PPP2R5C: variants seen among roughly 807,000 people sequenced by gnomAD.
The protein encoded by PPP2R5C is serine/threonine-protein phosphatase 2A 56 kDa regulatory subunit gamma isoform.
In PPP2R5C, 7 loss-of-function variants were observed where a neutral mutation model predicts 68.9. That is an observed-to-expected ratio of 0.10 (90% CI 0.06 to 0.19). PPP2R5C has a LOEUF of 0.19. Among genes scored for constraint, PPP2R5C ranks in the 10% least tolerant of loss-of-function variants. The probability of loss-of-function intolerance (pLI) is 1.00; values close to 1 mark genes in which losing one functional copy is unlikely to be tolerated. For synonymous variants in PPP2R5C, 210 were observed against 222.2 expected (o/e 0.95, Z 0.49); for missense variants, 348 against 641.3 (o/e 0.54, Z 4.94).
chr14:101,870,925 G>C (rs894747624), intron 2 of PPP2R5C, among the ~76,000 whole-genome samples: 5 of 152,034 alleles, frequency 3.3e-5, no homozygotes, highest in Non-Finnish European at 7.4e-5. Context: ...TTATTGTCTT[G>C]TTGTAATTAT....
chr14:101,776,652 A>G (rs572667710), intron 2 of PPP2R5C, among the ~76,000 whole-genome samples: 5 of 152,104 alleles, frequency 3.3e-5, no homozygotes, highest in Admixed American at 2.6e-4. Context: ...CCTATTCCAG[A>G]AAGTCCTCCT....
intron 5 of PPP2R5C, among the ~76,000 whole-genome samples, chr14:101,886,780 C>T (rs2044551236): frequency 6.6e-6 from 1 of 151,846 alleles, no homozygotes; most frequent in South Asian, 2.1e-4. Context: ...GGCTGGAGTA[C>T]AGTGATGCTG....
chr14:101,876,293 T>C (rs964883460), intron 2 of PPP2R5C, among the ~76,000 whole-genome samples: 2 of 152,220 alleles, frequency 1.3e-5, no homozygotes, highest in East Asian at 3.8e-4. Context: ...TCATCTGTTA[T>C]AAATCCTGTT....
At chr14:101,927,904 C>T (rs746107042) in exon 14 of PPP2R5C, 1 of 152,228 alleles carries the variant, frequency 6.6e-6, no homozygotes, top group African/African-American at 2.4e-5. Context: ...ATTTAATATG[C>T]TCTTTTATCT....
chr14:101,817,306 A>G (rs1485505063), intron 1 of PPP2R5C, among the ~76,000 whole-genome samples: 4 of 152,196 alleles, frequency 2.6e-5, no homozygotes, highest in East Asian at 1.9e-4. Flanking sequence ...TATCATTTCA[A>G]TATTCTCTGG....
intron 2 of PPP2R5C, among the ~76,000 whole-genome samples, chr14:101,763,882 C>T (rs2036699958): frequency 6.6e-6 from 1 of 152,224 alleles, no homozygotes; most frequent in South Asian, 2.1e-4. Flanking sequence ...TTCAAACCAC[C>T]TCTGCTACTG....
chr14:101,823,664 G>A (rs545060548), intron 1 of PPP2R5C: 513 of 713,096 alleles, frequency 7.2e-4, no homozygotes, highest in South Asian at 8.9e-4. Flanking sequence ...AAGCAGAGAG[G>A]TTCTCCAACT....
intron 1 of PPP2R5C, chr14:101,819,499 C>A: frequency 6.2e-6 from 1 of 161,066 alleles, no homozygotes. Context: ...AGAATGTCCT[C>A]GATAAAGCAT....
chr14:101,860,814 T>A (rs1004567550), intron 2 of PPP2R5C, among the ~76,000 whole-genome samples: 1 of 152,230 alleles, frequency 6.6e-6, no homozygotes, highest in Admixed American at 6.5e-5. Context: ...TTTTTATACA[T>A]CATAGACTTC....
At chr14:101,771,450 G>T (rs2037148546) in intron 2 of PPP2R5C, among the ~76,000 whole-genome samples, 1 of 152,094 alleles carries the variant, frequency 6.6e-6, no homozygotes, top group South Asian at 2.1e-4. Flanking sequence ...AGATTGAGCA[G>T]CTGGGCACGG....
intron 5 of PPP2R5C, among the ~76,000 whole-genome samples, chr14:101,887,580 C>A (rs1404749939): frequency 6.6e-6 from 1 of 152,184 alleles, no homozygotes. Flanking sequence ...CCCCACGCTG[C>A]CTCTGTGATG....
intron 8 of PPP2R5C, among the ~76,000 whole-genome samples, chr14:101,894,822 A>C (rs963591180): frequency 9.2e-5 from 14 of 152,216 alleles, no homozygotes; most frequent in African/African-American, 3.4e-4. Flanking sequence ...TTGAACGTAA[A>C]GCACTTGAGC....
chr14:101,916,574 G>A lies in PPP2R5C; in HGVS notation c.1327-1257G>A, dbSNP rs199895661. ...CAGAGAGGCCCAGTGAGGCAAGGCC[G>A]GGAAGGGCTTAGCAGCCAGAGGGCA... is the stretch of plus-strand genomic sequence containing the variant. On this transcript the variant is annotated intron_variant, in intron 12 of 13. Transcript: ENST00000334743. The surrounding 1 kb of genome is among the most constrained non-coding windows in gnomAD (Gnocchi z 5.5). 4.1e-4 allele frequency among the ~76,000 whole-genome samples: 63 copies of A among 152,302 alleles called. No individual in the cohort carries two copies. The East Asian group carries it at 9.8e-3, about 24-fold the overall frequency.
intron 2 of PPP2R5C, among the ~76,000 whole-genome samples, chr14:101,871,815 C>T (rs1481564476): frequency 2.6e-5 from 4 of 152,110 alleles, no homozygotes; most frequent in African/African-American, 9.7e-5. Flanking sequence ...CTAGAACACA[C>T]CTTTAACTTA....
At position 101,917,812 on chromosome 14, in the gene PPP2R5C, T is replaced by C. The variant is rs2046768210; in HGVS notation, c.1327-19T>C. 6.2e-7 allele frequency: 1 copy of C among 1,612,946 alleles called. No homozygotes were observed. Among genetic ancestry groups the C allele is most frequent in the African/African-American group, 1.3e-5 (1 of 74,854 alleles). On this transcript the variant is annotated intron_variant, in intron 12 of 13. Coordinates refer to ENST00000334743, the Ensembl canonical transcript of PPP2R5C. The surrounding 1 kb of genome is among the most constrained non-coding windows in gnomAD (Gnocchi z 4.4). ...GAGCCTGGGCACCTAACAGAGCGAC[T>C]CCACGCTTTGCATTGCAGTACACAG...
At chr14:101,840,554 A>G (rs1445783749) in intron 1 of PPP2R5C, among the ~76,000 whole-genome samples, 3 of 148,130 alleles carry the variant, frequency 2.0e-5, no homozygotes, top group African/African-American at 7.5e-5. Flanking sequence ...CTTTAAGGAT[A>G]TTTTTCCATT....
At position 101,877,058 on chromosome 14, in the gene PPP2R5C, C is replaced by T. The variant is rs894593329; in HGVS notation, c.295-5103C>T. Among the ~76,000 whole-genome samples the T allele has an allele frequency of 6.8e-6, 1 of 146,836 alleles. No homozygotes were observed. Among genetic ancestry groups the T allele is most frequent in the Non-Finnish European group, 1.5e-5 (1 of 67,368 alleles). On this transcript the variant is annotated intron_variant, in intron 2 of 13. Transcript: ENST00000334743. This position sits in a 1 kb window ranked among gnomAD's most constrained non-coding sequence, Gnocchi z 4.2. ...CCACCTCCCAGATTCAAGTGATTCT[C>T]CTGCCTCAGCCTCCCGAGTAGCTGG...
intron 1 of PPP2R5C, among the ~76,000 whole-genome samples, chr14:101,826,886 A>G (rs2040430405): frequency 6.6e-6 from 1 of 152,016 alleles, no homozygotes; most frequent in Non-Finnish European, 1.5e-5. Context: ...TAAGTTTCTG[A>G]AATCCCTGGT....
Position 101,917,636 on chromosome 14 carries a change from C to A in PPP2R5C, c.1327-195C>A. 1.6e-6 allele frequency: 1 copy of A among 616,574 alleles called. No homozygotes were observed. The highest frequency in any genetic ancestry group is 3.0e-5 in the East Asian group (1 of 33,016). The allele number at this position is 616,574 out of a possible 1,614,324, so 38.2% of individuals were successfully genotyped here. ...GAGGGGACCAGCTGCTTTACTGTCT[C>A]CACTGAGTGCTTTCTGGTTTCAGAA... On this transcript the variant is annotated intron_variant, in intron 12 of 13. Coordinates refer to ENST00000334743, the Ensembl canonical transcript of PPP2R5C. This position sits in a 1 kb window ranked among gnomAD's most constrained non-coding sequence, Gnocchi z 4.4.
Sources: allele counts gnomAD v4.1 joint callset (sites outside exome capture counted in the v4.1 genomes callset), GRCh38; gene constraint gnomAD v4.1.1; non-coding constraint Gnocchi (gnomAD v3.1); transcripts MANE v1.5; gene names NCBI Gene and HGNC (gene_info 2026-07-23, HGNC 2026-07-21).